Variants in BAIAP2L1 observed in about 807,000 individuals in gnomAD.
BAIAP2L1 encodes the protein BAR/IMD domain-containing adapter protein 2-like 1.
Under a neutral mutation model 66.3 loss-of-function variants are expected in BAIAP2L1, and 35 were observed. That is an observed-to-expected ratio of 0.53 (90% CI 0.40 to 0.70). BAIAP2L1 has a LOEUF of 0.70. Ranked by LOEUF, BAIAP2L1 falls within the 30% of genes least tolerant of loss-of-function variation. The pLI is 0.00. For missense variants in BAIAP2L1, 622 were observed against 656.9 expected (o/e 0.95, Z 0.58); for synonymous variants, 269 against 248.7 (o/e 1.08, Z -0.77).
At position 98,395,120 on chromosome 7, in the gene BAIAP2L1, A is replaced by G. The variant is rs539117174; in HGVS notation, c.51+5682T>C. ...AGCAAGACTCCGTCTCAAAAAAACAAAACAAAACAAAACCAAAGAAAGAAA... is the reference window on the plus strand; with the variant it reads ...AGCAAGACTCCGTCTCAAAAAAACAGAACAAAACAAAACCAAAGAAAGAAA... On this transcript the variant is annotated intron_variant, in intron 1 of 13. Transcript: ENST00000005260. Among the ~76,000 whole-genome samples the G allele has an allele frequency of 1.1e-4, 16 of 151,908 alleles. No homozygotes were observed. The South Asian group carries it at 3.3e-3, about 32-fold the overall frequency.
intron 6 of BAIAP2L1, 54 bp downstream of exon 6, chr7:98,317,165 A>T: frequency 6.2e-7 from 1 of 1,612,114 alleles, no homozygotes; most frequent in Non-Finnish European, 8.5e-7. Flanking sequence ...CCTCCTCTTA[A>T]ACTGTGCAAA....
intron 1 of BAIAP2L1, among the ~76,000 whole-genome samples, chr7:98,387,865 T>A (rs1802933947): frequency 1.4e-5 from 2 of 147,206 alleles, no homozygotes; most frequent in South Asian, 4.3e-4. Flanking sequence ...TAAGACCCTG[T>A]CTCAAAACAA....
rs368963215 is a variant in BAIAP2L1, at chr7:98,318,077, C to T, written c.349-721G>A. On this transcript the variant is annotated intron_variant, in intron 5 of 13. Transcript: ENST00000005260. Reference sequence around the variant, plus strand: ...TGCATGCTGGCTGGGACCCTCAACCCGCAGTTCACACCATCCACACACTGG... The same window carrying T: ...TGCATGCTGGCTGGGACCCTCAACCTGCAGTTCACACCATCCACACACTGG... Among the ~76,000 whole-genome samples, 184 of 151,944 alleles carry T rather than the reference C, an allele frequency of 1.2e-3. 1 individual carries two copies. The highest frequency in any genetic ancestry group is 4.1e-3 in the African/African-American group (170 of 41,460).
chr7:98,314,218 A>G (rs563765401), intron 7 of BAIAP2L1, among the ~76,000 whole-genome samples: 1 of 152,114 alleles, frequency 6.6e-6, no homozygotes, highest in Non-Finnish European at 1.5e-5. Context: ...CCTGACCTCA[A>G]GTGATTCACC....
At chr7:98,377,268 G>T (rs1004080234) in intron 1 of BAIAP2L1, among the ~76,000 whole-genome samples, 1 of 152,130 alleles carries the variant, frequency 6.6e-6, no homozygotes, top group Non-Finnish European at 1.5e-5. Flanking sequence ...TAATGACGAC[G>T]ACGTGGTAGG....
chr7:98,315,619 A>ACATAAT lies in BAIAP2L1; in HGVS notation c.487-8_487-7insATTATG. The ACATAAT allele has an allele frequency of 1.3e-6, 1 of 782,188 alleles. No individual in the cohort carries two copies. The highest frequency in any genetic ancestry group is 3.4e-5 in the East Asian group (1 of 29,006). The allele number at this position is 782,188 out of a possible 1,614,324, so 48.5% of individuals were successfully genotyped here. On this transcript the variant is annotated splice_polypyrimidine_tract_variant and splice_region_variant and intron_variant, in intron 6 of 13. Coordinates refer to ENST00000005260, the MANE Select transcript of BAIAP2L1 (RefSeq NM_018842.5). ...AAGTAACGGTCTCCACATACTAAAA[A>ACATAAT]AAAAAAAATAATAATAATAATAATT...
chr7:98,371,920 G>A (rs940137542), intron 1 of BAIAP2L1, among the ~76,000 whole-genome samples: 10 of 151,140 alleles, frequency 6.6e-5, no homozygotes, highest in African/African-American at 9.7e-5. Flanking sequence ...TCAGCCTCCC[G>A]AGTAGCTGAG....
At chr7:98,312,058 A>G in intron 8 of BAIAP2L1, 39 bp downstream of exon 8, 1 of 1,551,994 alleles carries the variant, frequency 6.4e-7, no homozygotes. Context: ...AAGTTAGGAA[A>G]CACACGATTG....
chr7:98,382,150 C>T (rs1448918870), intron 1 of BAIAP2L1, among the ~76,000 whole-genome samples: 1 of 151,940 alleles, frequency 6.6e-6, no homozygotes, highest in African/African-American at 2.4e-5. Context: ...TCTCGATCTC[C>T]TGACCTCGTG....
chr7:98,299,118 T>C (rs1477994767), intron 12 of BAIAP2L1, among the ~76,000 whole-genome samples: 3 of 152,060 alleles, frequency 2.0e-5, no homozygotes, highest in Non-Finnish European at 4.4e-5. Context: ...CGGGTTCAAC[T>C]GATTCTCCTG....
chr7:98,305,240 A>C (rs1800608671), intron 11 of BAIAP2L1, among the ~76,000 whole-genome samples: 1 of 151,620 alleles, frequency 6.6e-6, no homozygotes, highest in African/African-American at 2.4e-5. Context: ...CTTTTAAATT[A>C]GGGGCTGGCT....
chr7:98,347,247 T>C (rs1261474116), intron 3 of BAIAP2L1, among the ~76,000 whole-genome samples: 2 of 152,212 alleles, frequency 1.3e-5, no homozygotes, highest in Non-Finnish European at 2.9e-5. Context: ...ATTCCCAATG[T>C]TTCTAATGCT....
rs149540917 is a variant in BAIAP2L1 at position 98,332,312 on chromosome 7, G to C, written c.215-12014C>G. Among the ~76,000 whole-genome samples the C allele has an allele frequency of 1.5e-3, 218 of 144,176 alleles. 5 individuals carry two copies. The East Asian group carries it at 0.021, about 14-fold the overall frequency. 94.6% of individuals were successfully genotyped at this position (144,176 alleles called of 152,430 possible). A position where few individuals can be genotyped will look rare whatever the true frequency, so the allele number is the denominator to read the frequency against. On this transcript the variant is annotated intron_variant, in intron 3 of 13. Transcript: ENST00000005260. ...GCAGGAGAATTGCTTGAATTCAGGAGGCAGAGGTTGCAGTGACCCGAGATC... is the reference window on the plus strand; with the variant it reads ...GCAGGAGAATTGCTTGAATTCAGGACGCAGAGGTTGCAGTGACCCGAGATC...
chr7:98,321,446 A>G (rs1801242793), intron 3 of BAIAP2L1, among the ~76,000 whole-genome samples: 1 of 152,152 alleles, frequency 6.6e-6, no homozygotes, highest in South Asian at 2.1e-4. Context: ...TCTGCTGGGA[A>G]TACACCAGCC....
intron 3 of BAIAP2L1, among the ~76,000 whole-genome samples, chr7:98,354,696 A>G (rs1174484433): frequency 6.6e-6 from 1 of 152,188 alleles, no homozygotes; most frequent in African/African-American, 2.4e-5. Context: ...GAGTCACAGG[A>G]AACACTCTGG....
At position 98,306,521 on chromosome 7, in the gene BAIAP2L1, C is replaced by G. The variant is rs766297356; in HGVS notation, c.1164-5G>C. 1 of 1,614,080 alleles carries G rather than the reference C, an allele frequency of 6.2e-7. No homozygotes were observed. Among genetic ancestry groups the G allele is most frequent in the Non-Finnish European group, 8.5e-7 (1 of 1,180,030 alleles). On this transcript the variant is annotated splice_region_variant and splice_polypyrimidine_tract_variant and intron_variant, in intron 10 of 13. Coordinates refer to ENST00000005260, the MANE Select transcript of BAIAP2L1 (RefSeq NM_018842.5). ...GACGACGGGAACCAACCCCTCCTACCGGCAAAGAGGGAGAAAAGACCCTAT... is the reference window on the plus strand; with the variant it reads ...GACGACGGGAACCAACCCCTCCTACGGGCAAAGAGGGAGAAAAGACCCTAT...
intron 3 of BAIAP2L1, among the ~76,000 whole-genome samples, chr7:98,339,095 C>T (rs997047643): frequency 6.8e-6 from 1 of 146,452 alleles, no homozygotes; most frequent in African/African-American, 2.5e-5. Context: ...AAAAAAAAGA[C>T]TTTGTGTGGG....
intron 7 of BAIAP2L1, among the ~76,000 whole-genome samples, chr7:98,312,758 C>G (rs1018862287): frequency 6.6e-6 from 1 of 151,886 alleles, no homozygotes; most frequent in Non-Finnish European, 1.5e-5. Flanking sequence ...GGAAGAGGGA[C>G]TGGGTGAGTG....
intron 12 of BAIAP2L1, among the ~76,000 whole-genome samples, chr7:98,296,518 A>G (rs1157313954): frequency 6.6e-6 from 1 of 152,116 alleles, no homozygotes; most frequent in African/African-American, 2.4e-5. Context: ...CCAGCTACTC[A>G]GGAGGCTGAG....
Sources: allele counts gnomAD v4.1 joint callset (sites outside exome capture counted in the v4.1 genomes callset), GRCh38; gene constraint gnomAD v4.1.1; transcripts MANE v1.5; gene names NCBI Gene and HGNC (gene_info 2026-07-23, HGNC 2026-07-21).